LRRN1: variants seen among roughly 807,000 people sequenced by gnomAD.
LRRN1 encodes leucine-rich repeat neuronal protein 1.
In LRRN1, 14 loss-of-function variants were observed where a neutral mutation model predicts 45.8. The ratio of observed to expected loss-of-function variants is 0.31; its 90% CI spans 0.20 to 0.48. The LOEUF is 0.48. Ranked by LOEUF, LRRN1 falls within the 20% of genes least tolerant of loss-of-function variation. The pLI, the probability that LRRN1 is intolerant of heterozygous loss-of-function variation, is 0.99. For missense variants in LRRN1, 789 were observed against 874.2 expected (o/e 0.90, Z 1.23); for synonymous variants, 359 against 330.1 (o/e 1.09, Z -0.95).
intron 1 of LRRN1, among the ~76,000 whole-genome samples, chr3:3,827,730 A>G (rs927811321): frequency 3.9e-5 from 6 of 152,100 alleles, no homozygotes; most frequent in Non-Finnish European, 7.4e-5. Flanking sequence ...CTCAGAAGGC[A>G]TTTTTCTTCA....
intron 1 of LRRN1, among the ~76,000 whole-genome samples, chr3:3,832,746 T>G (rs774449716): frequency 1.3e-5 from 2 of 152,212 alleles, no homozygotes; most frequent in Non-Finnish European, 2.9e-5. Flanking sequence ...AGTCTGGAAA[T>G]TGAGCGGTCA....
Position 3,846,429 on chromosome 3 carries a change from C to T in LRRN1, c.1788C>T (p.Leu596=), listed in dbSNP as rs1373525884. Residue 596 remains leucine (L), a synonymous_variant, in exon 2 of 2, where the codon CTC becomes CTT. Transcript: ENST00000319331. This position sits in a 1 kb window ranked among gnomAD's most constrained non-coding sequence, Gnocchi z 5.7. ...LQPSTDYEVC[L]TVSNIHQQTQ... is the part of the protein sequence containing the mutation. Reference sequence around the variant, plus strand: ...CTTCCACAGATTATGAAGTGTGTCTCACAGTGTCCAATATTCATCAGCAGA... The same window carrying T: ...CTTCCACAGATTATGAAGTGTGTCTTACAGTGTCCAATATTCATCAGCAGA... 6.2e-7 allele frequency: 1 copy of T among 1,614,114 alleles called. No individual in the cohort carries two copies.
intron 1 of LRRN1, among the ~76,000 whole-genome samples, chr3:3,839,179 A>G (rs1011497361): frequency 6.6e-6 from 1 of 152,114 alleles, no homozygotes; most frequent in African/African-American, 2.4e-5. Context: ...TAATTTTTGT[A>G]TATGGCATAA....
At chr3:3,825,960 G>T (rs1013642575) in intron 1 of LRRN1, among the ~76,000 whole-genome samples, 1 of 151,998 alleles carries the variant, frequency 6.6e-6, no homozygotes, top group Non-Finnish European at 1.5e-5. Flanking sequence ...ATATTCAGAG[G>T]TTGCAAACTG....
At chr3:3,833,532 A>G (rs1246305974) in intron 1 of LRRN1, among the ~76,000 whole-genome samples, 1 of 152,192 alleles carries the variant, frequency 6.6e-6, no homozygotes, top group African/African-American at 2.4e-5. Context: ...TAGAGAATTC[A>G]AACAGTTCTT....
chr3:3,819,743 C>T (rs1006739470), intron 1 of LRRN1, among the ~76,000 whole-genome samples: 3 of 152,168 alleles, frequency 2.0e-5, no homozygotes, highest in African/African-American at 7.2e-5. Flanking sequence ...TTCTGAGGTC[C>T]TTGGGATTGG....
At chr3:3,842,440 A>C (rs1693671167) in intron 1 of LRRN1, among the ~76,000 whole-genome samples, 1 of 152,096 alleles carries the variant, frequency 6.6e-6, no homozygotes, top group Non-Finnish European at 1.5e-5. Flanking sequence ...TGCAGTTTTC[A>C]TATTTTGTAT....
intron 1 of LRRN1, among the ~76,000 whole-genome samples, chr3:3,835,011 T>TA (rs1693475961): frequency 1.3e-5 from 2 of 152,162 alleles, no homozygotes; most frequent in South Asian, 4.1e-4. Flanking sequence ...ACCCAGGCCC[T>TA]AGGCTGAATA....
intron 1 of LRRN1, among the ~76,000 whole-genome samples, chr3:3,823,954 G>A (rs1693163071): frequency 6.6e-6 from 1 of 152,172 alleles, no homozygotes; most frequent in Non-Finnish European, 1.5e-5. Context: ...TTAGAGGTAG[G>A]AAAGATGGCT....
At chr3:3,834,729 G>C (rs996475143) in intron 1 of LRRN1, among the ~76,000 whole-genome samples, 2 of 151,054 alleles carry the variant, frequency 1.3e-5, no homozygotes, top group Non-Finnish European at 2.9e-5. Context: ...GAAGAACTTG[G>C]AGTCTGATGT....
At chr3:3,811,487 C>A (rs1356899793) in intron 1 of LRRN1, among the ~76,000 whole-genome samples, 1 of 152,210 alleles carries the variant, frequency 6.6e-6, no homozygotes, top group African/African-American at 2.4e-5. Flanking sequence ...AAAGGGGCTT[C>A]CGTATCATAT....
intron 1 of LRRN1, among the ~76,000 whole-genome samples, chr3:3,817,480 T>C (rs1396773751): frequency 1.3e-5 from 2 of 152,190 alleles, no homozygotes; most frequent in African/African-American, 4.8e-5. Context: ...AGCGGGAACT[T>C]CTATGTTAAA....
At chr3:3,800,119 T>C (rs1175198719) in intron 1 of LRRN1, among the ~76,000 whole-genome samples, 200 bp downstream of exon 1, 10 of 134,312 alleles carry the variant, frequency 7.4e-5, no homozygotes, top group African/African-American at 2.9e-4. Context: ...TAGTGCCCCG[T>C]TTCCCCCCGT....
intron 1 of LRRN1, among the ~76,000 whole-genome samples, chr3:3,841,646 G>A (rs776527868): frequency 2.6e-5 from 4 of 151,994 alleles, no homozygotes; most frequent in Non-Finnish European, 5.9e-5. Context: ...AGGCCCCTGA[G>A]TAGCTGGGAT....
chr3:3,817,862 G>A (rs76410173), intron 1 of LRRN1, among the ~76,000 whole-genome samples: 223 of 152,286 alleles, frequency 1.5e-3, no homozygotes, highest in African/African-American at 5.1e-3. Context: ...TCTTGATGAG[G>A]AGAATTATCC....
At chr3:3,819,691 G>A (rs1693062124) in intron 1 of LRRN1, among the ~76,000 whole-genome samples, 1 of 152,080 alleles carries the variant, frequency 6.6e-6, no homozygotes, top group South Asian at 2.1e-4. Flanking sequence ...TCATCTAAAC[G>A]AATTGTATCT....
intron 1 of LRRN1, among the ~76,000 whole-genome samples, chr3:3,833,601 T>G (rs1055445313): frequency 6.6e-6 from 1 of 152,102 alleles, no homozygotes; most frequent in Non-Finnish European, 1.5e-5. Context: ...CAGGGGCCCA[T>G]CGGGATTTTA....
At chr3:3,809,346 G>A (rs1352389983) in intron 1 of LRRN1, among the ~76,000 whole-genome samples, 1 of 152,122 alleles carries the variant, frequency 6.6e-6, no homozygotes, top group Non-Finnish European at 1.5e-5. Flanking sequence ...GTTTCACCAT[G>A]TTAACCAGGC....
At chr3:3,811,500 C>CT (rs1225941334) in intron 1 of LRRN1, among the ~76,000 whole-genome samples, 3 of 152,162 alleles carry the variant, frequency 2.0e-5, no homozygotes, top group African/African-American at 7.2e-5. Flanking sequence ...TATCATATGT[C>CT]TATTTCATTT....
Sources: allele counts gnomAD v4.1 joint callset (sites outside exome capture counted in the v4.1 genomes callset), GRCh38; gene constraint gnomAD v4.1.1; non-coding constraint Gnocchi (gnomAD v3.1); transcripts MANE v1.5; gene names NCBI Gene and HGNC (gene_info 2026-07-23, HGNC 2026-07-21).